Variants in SLIT1 observed in about 807,000 individuals in gnomAD.
SLIT1 encodes the protein slit homolog 1 protein.
In SLIT1, 66 loss-of-function variants were observed where a neutral mutation model predicts 186.1. The ratio of observed to expected loss-of-function variants is 0.35; its 90% CI spans 0.29 to 0.44. The LOEUF (loss-of-function observed/expected upper bound fraction) is 0.44, where lower values mean the gene tolerates loss of function less well. Among genes scored for constraint, SLIT1 ranks in the 20% least tolerant of loss-of-function variants. SLIT1 has a pLI of 1.00. For missense variants in SLIT1, 1,638 were observed against 2,037.4 expected (o/e 0.80, Z 3.77); for synonymous variants, 761 against 833.8 (o/e 0.91, Z 1.50).
chr10:97,145,876 G>C (rs1017209424), intron 4 of SLIT1, among the ~76,000 whole-genome samples: 2 of 152,208 alleles, frequency 1.3e-5, no homozygotes, highest in African/African-American at 4.8e-5. Flanking sequence ...CTACAGCATG[G>C]GATGGAGGAG....
intron 20 of SLIT1, among the ~76,000 whole-genome samples, 188 bp from the exon 21 acceptor site, chr10:97,040,308 G>A (rs1195483645): frequency 6.6e-6 from 1 of 152,158 alleles, no homozygotes; most frequent in Non-Finnish European, 1.5e-5. Flanking sequence ...AAGCCCCCTG[G>A]AGCAGTTTTG....
rs1589375026 is a variant in SLIT1, at chr10:97,050,253, G to A, written c.1302-1135C>T. On this transcript the variant is annotated intron_variant, in intron 13 of 36. Coordinates refer to ENST00000266058, the MANE Select transcript of SLIT1 (RefSeq NM_003061.3). ...CCTCCATCTAAGTGCCATCAGTTCA[G>A]GCCATCTGACTTACTGGTCTCAGCC... Among the ~76,000 whole-genome samples, 3 of 152,340 alleles carry A rather than the reference G, an allele frequency of 2.0e-5. No homozygotes were observed. The East Asian group carries it at 5.8e-4, about 29-fold the overall frequency.
At chr10:97,014,791 G>A (rs1355477083) in intron 28 of SLIT1, among the ~76,000 whole-genome samples, 1 of 151,874 alleles carries the variant, frequency 6.6e-6, no homozygotes, top group Non-Finnish European at 1.5e-5. Flanking sequence ...GCTTGAACCT[G>A]TGAGGTGGAG....
At chr10:97,060,309 C>A in intron 9 of SLIT1, 151 bp from the exon 10 acceptor site, 1 of 700,378 alleles carries the variant, frequency 1.4e-6, no homozygotes, top group South Asian at 1.7e-5. Context: ...GGGGTAAGGA[C>A]GCCGGGACAG....
intron 4 of SLIT1, among the ~76,000 whole-genome samples, chr10:97,082,177 G>A (rs555031047): frequency 6.6e-6 from 1 of 152,232 alleles, no homozygotes; most frequent in Non-Finnish European, 1.5e-5. Context: ...GAACACAGAT[G>A]CAAGCACAGA....
chr10:97,052,530 C>A (rs886886694), intron 13 of SLIT1, among the ~76,000 whole-genome samples: 4 of 152,192 alleles, frequency 2.6e-5, no homozygotes, highest in Non-Finnish European at 5.9e-5. Context: ...TGGAAACGTT[C>A]TAAAGTTGAA....
rs1848747973 is a variant in SLIT1, at chr10:97,047,812, G to T, written c.1512C>A (p.Asn504Lys). 1.2e-6 allele frequency: 2 copies of T among 1,613,948 alleles called. No individual in the cohort carries two copies. Among genetic ancestry groups the T allele is most frequent in the African/African-American group, 2.7e-5 (2 of 74,936 alleles). The change falls in exon 16 of 37, where the codon AAC becomes AAA. Residue 504 changes from asparagine (N) to lysine (K), a missense_variant. Asn to Lys is a moderately conservative substitution (Grantham distance 94). This residue lies in a region of SLIT1 where 1,245 missense variants were observed against 1,535.3 expected (regional missense o/e 0.81). Coordinates refer to ENST00000266058, the MANE Select transcript of SLIT1 (RefSeq NM_003061.3). ...FIPGTEDYQL[N>K]SECNSDVVCP... ...AGACCACGTCGCTGTTGCACTCGCT[G>T]TTCAGCTGGTAATCCTCCGTGCCTG...
intron 13 of SLIT1, 28 bp downstream of exon 13, chr10:97,056,293 G>C (rs758262423): frequency 1.2e-6 from 2 of 1,612,422 alleles, no homozygotes; most frequent in African/African-American, 2.7e-5. Context: ...GCTGGGAGGG[G>C]AGAAGAAGAA....
At chr10:97,169,255 C>G (rs1850156603) in intron 1 of SLIT1, among the ~76,000 whole-genome samples, 1 of 152,206 alleles carries the variant, frequency 6.6e-6, no homozygotes, top group African/African-American at 2.4e-5. Context: ...GAGCTTAATG[C>G]CTCCTCTCAG....
chr10:97,177,788 CAACATGGTGA>C (rs1312093342), intron 1 of SLIT1, among the ~76,000 whole-genome samples: 1 of 152,078 alleles, frequency 6.6e-6, no homozygotes, highest in Non-Finnish European at 1.5e-5. Context: ...CCAGCCTAAC[CAACATGGTGA>C]AACCTCGTCT....
chr10:97,047,214 G>A, intron 16 of SLIT1, 149 bp from the exon 17 acceptor site: 1 of 631,348 alleles, frequency 1.6e-6, no homozygotes, highest in East Asian at 2.7e-5. Flanking sequence ...AAGGAAGGCT[G>A]GGCCTAGTAC....
At chr10:97,049,155 G>A (rs1260910868) in intron 13 of SLIT1, 37 bp from the exon 14 acceptor site, 6 of 1,600,114 alleles carry the variant, frequency 3.7e-6, no homozygotes, top group South Asian at 1.1e-5. Context: ...GAGAAACAAG[G>A]GCTGCAAACC....
chr10:97,077,933 T>C (rs1455704423), intron 4 of SLIT1, among the ~76,000 whole-genome samples: 2 of 152,074 alleles, frequency 1.3e-5, no homozygotes, highest in Non-Finnish European at 2.9e-5. Flanking sequence ...TAGCAAGACC[T>C]GGTCTCCACA....
chr10:97,159,358 G>A (rs1231021209), intron 3 of SLIT1, among the ~76,000 whole-genome samples: 1 of 152,112 alleles, frequency 6.6e-6, no homozygotes, highest in African/African-American at 2.4e-5. Context: ...CAGGCTCCTA[G>A]GGAAACACTT....
chr10:97,111,645 T>C (rs1315542792), intron 4 of SLIT1, among the ~76,000 whole-genome samples: 2 of 152,244 alleles, frequency 1.3e-5, no homozygotes, highest in South Asian at 2.1e-4. Context: ...TTTATAAATA[T>C]TTATAACCAA....
intron 4 of SLIT1, among the ~76,000 whole-genome samples, chr10:97,087,408 T>TC (rs1399981286): frequency 6.6e-6 from 1 of 152,064 alleles, no homozygotes; most frequent in Non-Finnish European, 1.5e-5. Flanking sequence ...ACCAGGGCCC[T>TC]CCCCCGTCTC....
chr10:97,038,827 C>T (rs1039457839), intron 21 of SLIT1, among the ~76,000 whole-genome samples: 7 of 152,190 alleles, frequency 4.6e-5, no homozygotes, highest in African/African-American at 9.7e-5. Flanking sequence ...AGGCAGTCCT[C>T]GTCCACATAC....
chr10:97,181,807 T>C (rs1850342318), intron 1 of SLIT1, among the ~76,000 whole-genome samples: 1 of 152,192 alleles, frequency 6.6e-6, no homozygotes, highest in South Asian at 2.1e-4. Flanking sequence ...TTACCCTCTC[T>C]GCACAAGGGG....
At position 97,062,507 on chromosome 10, in the gene SLIT1, G is replaced by T. The variant is rs533067127; in HGVS notation, c.793+948C>A. ...ATTTCCTGTGCCAAGCAAAGACAAA[G>T]TGCTGAGGATGCACCAGAAACACAA... is the stretch of plus-strand genomic sequence containing the variant. On this transcript the variant is annotated intron_variant, in intron 8 of 36. Coordinates refer to ENST00000266058, the MANE Select transcript of SLIT1 (RefSeq NM_003061.3). Among the ~76,000 whole-genome samples, 9 of 152,368 alleles carry T rather than the reference G, an allele frequency of 5.9e-5. No homozygotes were observed. In the East Asian group the frequency reaches 1.7e-3, roughly 29 times the overall value.
Sources: allele counts gnomAD v4.1 joint callset (sites outside exome capture counted in the v4.1 genomes callset), GRCh38; gene constraint gnomAD v4.1.1; regional missense constraint gnomAD v4.1.1; transcripts MANE v1.5; gene names NCBI Gene and HGNC (gene_info 2026-07-23, HGNC 2026-07-21).